ERC1: variants seen among roughly 807,000 people sequenced by gnomAD.
ERC1 encodes the protein ELKS/RAB6-interacting/CAST family member 1.
In ERC1, 56 loss-of-function variants were observed where a neutral mutation model predicts 132.0. The ratio of observed to expected loss-of-function variants is 0.42; its 90% confidence interval spans 0.34 to 0.53. ERC1 has a LOEUF of 0.53. Ranked by LOEUF, ERC1 falls within the 20% of genes least tolerant of loss-of-function variation. The probability of loss-of-function intolerance (pLI) is 0.03; values close to 1 mark genes in which losing one functional copy is unlikely to be tolerated. For missense variants in ERC1, 1,202 were observed against 1,349.9 expected (o/e 0.89, Z 1.72); for synonymous variants, 478 against 476.1 (o/e 1.00, Z -0.05).
chr12:994,096 G>C (rs1364394652), intron 1 of ERC1, among the ~76,000 whole-genome samples: 1 of 101,730 alleles, frequency 9.8e-6, no homozygotes, highest in East Asian at 2.5e-4. Flanking sequence ...AAAAAAAAAA[G>C]TGAAGGTTTT....
chr12:1,411,288 A>G (rs536246123), intron 17 of ERC1, among the ~76,000 whole-genome samples: 1 of 152,206 alleles, frequency 6.6e-6, no homozygotes, highest in Non-Finnish European at 1.5e-5. Flanking sequence ...ATAAGTTCAC[A>G]CATATTTGGT....
rs1566497232 is a variant in ERC1 at position 1,289,983 on chromosome 12, GA to G, written c.2754del (p.Lys918AsnfsTer3). 6.2e-7 allele frequency: 1 copy of G among 1,614,072 alleles called. No homozygotes were observed. On this transcript the variant is annotated frameshift_variant, in exon 15 of 19. Transcript: ENST00000360905. LOFTEE classifies it high-confidence loss of function. ...TGACTAATCTTCGGGCAGAGAGAAG[GA>G]AACACTTAGAGGAAGTTCTGGAGAT... ...HLTNLRAERRKHLEEVLEMKQ... is the reference protein window; with the variant it reads ...HLTNLRAERRXHLEEVLEMKQ...
At chr12:1,403,633 A>T (rs1295494737) in intron 16 of ERC1, among the ~76,000 whole-genome samples, 1 of 152,192 alleles carries the variant, frequency 6.6e-6, no homozygotes, top group Non-Finnish European at 1.5e-5. Context: ...ACGTGGATCA[A>T]ATAAGGAATC....
At chr12:1,213,775 A>G (rs991773681) in intron 12 of ERC1, among the ~76,000 whole-genome samples, 2 of 150,852 alleles carry the variant, frequency 1.3e-5, no homozygotes, top group Non-Finnish European at 3.0e-5. Context: ...ATGGTGGTGC[A>G]TGCCTATAAT....
At chr12:1,196,638 C>T (rs1278426258) in intron 12 of ERC1, among the ~76,000 whole-genome samples, 1 of 151,554 alleles carries the variant, frequency 6.6e-6, no homozygotes, top group Admixed American at 6.6e-5. Context: ...GGACCACAGG[C>T]ACACACCACC....
rs533843726 is a variant in ERC1, at chr12:1,435,330, G to T, written c.3025-9232G>T. The stretch of plus-strand genomic sequence containing the variant: ...GGGCAGGTCAGAAGGAGAGAGGGGA[G>T]TTAGGAGAAGAAAGGAAGAGAATAA... On this transcript the variant is annotated intron_variant, in intron 17 of 18. Coordinates refer to ENST00000360905, the MANE Select transcript of ERC1 (RefSeq NM_178040.4). Among the ~76,000 whole-genome samples, 8 of 152,266 alleles carry T rather than the reference G, an allele frequency of 5.3e-5. No homozygotes were observed. In the East Asian group the frequency reaches 1.5e-3, roughly 29 times the overall value.
At chr12:1,153,787 A>G (rs959998421) in intron 8 of ERC1, among the ~76,000 whole-genome samples, 12 of 152,154 alleles carry the variant, frequency 7.9e-5, no homozygotes, top group Non-Finnish European at 1.6e-4. Context: ...CTTTCTTCAC[A>G]TGGTCGGATT....
chr12:1,111,348 A>C (rs898276598), intron 5 of ERC1, among the ~76,000 whole-genome samples: 1 of 152,208 alleles, frequency 6.6e-6, no homozygotes, highest in Non-Finnish European at 1.5e-5. Context: ...GTAATTATAA[A>C]GTTTAAGCCA....
intron 14 of ERC1, among the ~76,000 whole-genome samples, chr12:1,274,895 A>G (rs958685427): frequency 1.3e-5 from 2 of 152,196 alleles, no homozygotes; most frequent in African/African-American, 4.8e-5. Flanking sequence ...TTCAGCAGGA[A>G]CCACGTGTGT....
rs370504098 is a variant in ERC1 at position 1,004,446 on chromosome 12, G to A, written c.-157+13124G>A. Among the ~76,000 whole-genome samples, 437 of 112,404 alleles carry A rather than the reference G, an allele frequency of 3.9e-3. 1 individual carries two copies. The highest frequency in any genetic ancestry group is 0.014 in the African/African-American group (391 of 28,488). 73.7% of individuals were successfully genotyped at this position (112,404 alleles called of 152,430 possible). A position where few individuals can be genotyped will look rare whatever the true frequency, so the allele number is the denominator to read the frequency against. On this transcript the variant is annotated intron_variant, in intron 1 of 18. Transcript: ENST00000360905. ...TTTTGAGACGGAGTCTTGCCCTCTC[G>A]CCCAGGCTGGAGTGCAGTGACGTGA...
chr12:1,292,349 A>G (rs1428619869), intron 15 of ERC1, among the ~76,000 whole-genome samples: 3 of 152,228 alleles, frequency 2.0e-5, no homozygotes, highest in Non-Finnish European at 4.4e-5. Context: ...TAAGTCATTC[A>G]AAGAATGAAA....
At chr12:1,212,636 A>G (rs1430342788) in intron 12 of ERC1, among the ~76,000 whole-genome samples, 1 of 152,188 alleles carries the variant, frequency 6.6e-6, no homozygotes, top group East Asian at 1.9e-4. Flanking sequence ...TGAGTAGGAC[A>G]GGGTTTTATT....
intron 18 of ERC1, among the ~76,000 whole-genome samples, chr12:1,450,865 G>A (rs966647229): frequency 1.3e-5 from 2 of 152,182 alleles, no homozygotes; most frequent in Non-Finnish European, 2.9e-5. Context: ...TGGGTGTAAG[G>A]TGGCATCACA....
intron 15 of ERC1, among the ~76,000 whole-genome samples, chr12:1,358,311 C>G: frequency 6.6e-6 from 1 of 151,056 alleles, no homozygotes; most frequent in East Asian, 1.9e-4. Flanking sequence ...ATTTCTAAGT[C>G]CAATAATGAT....
chr12:991,070 C>T (rs1441244393), upstream of ERC1: 1 of 151,602 alleles, frequency 6.6e-6, no homozygotes, highest in African/African-American at 2.4e-5. Context: ...CCGGAAGGCG[C>T]CCGGAGGCCC....
chr12:1,491,245 C>G lies in ERC1; in HGVS notation c.*1015C>G, dbSNP rs2094315818. 4.3e-6 allele frequency: 1 copy of G among 231,262 alleles called. No homozygotes were observed. The highest frequency in any genetic ancestry group is 2.2e-5 in the African/African-American group (1 of 45,244). The allele number at this position is 231,262 out of a possible 1,614,324, so 14.3% of individuals were successfully genotyped here. A position where few individuals can be genotyped will look rare whatever the true frequency, so the allele number is the denominator to read the frequency against. On this transcript the variant is annotated 3_prime_UTR_variant, in exon 19 of 19. Transcript: ENST00000360905. ...CACCCGTGTCCTGAGCTCCTGCAGC[C>G]CAGTGGCTGCTGAAGTTGTGATCCC...
At chr12:1,353,608 T>C (rs2085244708) in intron 15 of ERC1, among the ~76,000 whole-genome samples, 1 of 152,190 alleles carries the variant, frequency 6.6e-6, no homozygotes, top group Non-Finnish European at 1.5e-5. Flanking sequence ...AAACATAGGC[T>C]GGGGGGCCAC....
chr12:1,199,041 T>G (rs1956623939), intron 12 of ERC1, among the ~76,000 whole-genome samples: 2 of 112,400 alleles, frequency 1.8e-5, no homozygotes, highest in Admixed American at 8.7e-5. Flanking sequence ...CAACATGAGA[T>G]TTGGGTGGGG....
In ERC1 at chr12:1,490,538, A is replaced by T. The variant is rs948654278; in HGVS notation, c.*308A>T. 2.8e-6 allele frequency: 1 copy of T among 352,026 alleles called. No homozygotes were observed. The highest frequency in any genetic ancestry group is 2.0e-5 in the African/African-American group (1 of 50,488). 21.8% of individuals were successfully genotyped at this position (352,026 alleles called of 1,614,324 possible). On this transcript the variant is annotated 3_prime_UTR_variant, in exon 19 of 19. Coordinates refer to ENST00000360905, the MANE Select transcript of ERC1 (RefSeq NM_178040.4). ...TGGGAGCTGGTGGCTCTGCCCTGAC[A>T]GAGAGCCATGGAGCAGAGGAGCCTC... is the stretch of plus-strand genomic sequence containing the variant.
Sources: allele counts gnomAD v4.1 joint callset (sites outside exome capture counted in the v4.1 genomes callset), GRCh38; gene constraint gnomAD v4.1.1; transcripts MANE v1.5; gene names NCBI Gene and HGNC (gene_info 2026-07-23, HGNC 2026-07-21).